Variants in TMEM63B observed in about 807,000 individuals in gnomAD.
The protein encoded by TMEM63B is mechanosensitive cation channel TMEM63B.
In TMEM63B, 23 loss-of-function variants were observed where a neutral mutation model predicts 102.6. The ratio of observed to expected loss-of-function variants is 0.22; its 90% confidence interval spans 0.16 to 0.32. The LOEUF is 0.32. Among genes scored for constraint, TMEM63B ranks in the 10% least tolerant of loss-of-function variants. The pLI is 1.00. For synonymous variants in TMEM63B, 444 were observed against 437.0 expected, an observed-to-expected ratio of 1.02 and a Z score of -0.20; for missense variants, 628 against 1,095.9, an observed-to-expected ratio of 0.57 and a Z score of 6.03.
rs1373033156 is a variant in TMEM63B at position 44,148,135 on chromosome 6, A to C, written c.988-117A>C. The C allele has an allele frequency of 6.7e-7, 1 of 1,482,288 alleles. No homozygotes were observed. The highest frequency in any genetic ancestry group is 2.3e-5 in the East Asian group (1 of 43,916). 91.8% of individuals were successfully genotyped at this position (1,482,288 alleles called of 1,614,324 possible). On this transcript the variant is annotated intron_variant, in intron 12 of 23. Transcript: ENST00000323267. The surrounding 1 kb of genome is among the most constrained non-coding windows in gnomAD (Gnocchi z 5.1). ...GAGACGCTGTTTCCAAAAAAAAAAA[A>C]ATGCTTAGAGGAGCAGTGCCTGGCT... is the stretch of plus-strand genomic sequence containing the variant.
At chr6:44,138,373 G>A in intron 5 of TMEM63B, 107 bp from the exon 6 acceptor site, 1 of 1,409,046 alleles carries the variant, frequency 7.1e-7, no homozygotes, top group Non-Finnish European at 1.0e-6. Flanking sequence ...TGAGGGGTGT[G>A]GAAGCTATGC....
intron 15 of TMEM63B, chr6:44,149,194 C>G: frequency 1.7e-6 from 1 of 572,648 alleles, no homozygotes; most frequent in East Asian, 3.0e-5. Flanking sequence ...TGCATTTAGT[C>G]CTGATCTCAG....
chr6:44,140,774 TC>T (rs1764078713), intron 9 of TMEM63B, among the ~76,000 whole-genome samples: 1 of 152,118 alleles, frequency 6.6e-6, no homozygotes, highest in Admixed American at 6.5e-5. Context: ...CTATAACCCC[TC>T]AAGAGCATGG....
chr6:44,154,605 C>G, intron 23 of TMEM63B, 87 bp from the exon 24 acceptor site: 1 of 1,474,668 alleles, frequency 6.8e-7, no homozygotes, highest in South Asian at 1.3e-5. Context: ...AGGGCCCTGC[C>G]CACTCTGCTG....
chr6:44,129,946 G>T (rs1257570814), intron 1 of TMEM63B, among the ~76,000 whole-genome samples: 1 of 152,134 alleles, frequency 6.6e-6, no homozygotes, highest in Non-Finnish European at 1.5e-5. Flanking sequence ...AATTTTCCCA[G>T]GTTAGAAGCC....
At chr6:44,134,823 TC>T in intron 2 of TMEM63B, 80 bp downstream of exon 2, 1 of 1,505,812 alleles carries the variant, frequency 6.6e-7, no homozygotes. Context: ...CTAACCACTC[TC>T]CCACCTGCCC....
At chr6:44,138,969 A>G (rs1763662135) in intron 6 of TMEM63B, 2 of 246,644 alleles carry the variant, frequency 8.1e-6, no homozygotes, top group Non-Finnish European at 1.6e-5. Flanking sequence ...GGCCTCCCCC[A>G]AGGGTACCCG....
Position 44,135,331 on chromosome 6 carries a change from T to C in TMEM63B, c.243T>C (p.Leu81=). ...CCTGTCTGTTCTCTGTCCCCAGGCT[T>C]CGGCGGCAGGAGAGGGACCGAGTGG... The part of the protein sequence containing the change: ...RLALVTDADR[L]RRQERDRVEQ... Residue 81 remains leucine (L), a synonymous_variant, in exon 4 of 24, where the codon CTT becomes CTC. Transcript: ENST00000323267. 1 of 1,612,920 alleles carries C rather than the reference T, an allele frequency of 6.2e-7. No homozygotes were observed. The highest frequency in any genetic ancestry group is 8.5e-7 in the Non-Finnish European group (1 of 1,179,362).
Position 44,152,628 on chromosome 6 carries a change from C to T in TMEM63B, c.1872C>T (p.Tyr624=), listed in dbSNP as rs370365760. Residue 624 remains tyrosine (Y), a synonymous_variant, in exon 20 of 24, where the codon TAC becomes TAT. Coordinates refer to ENST00000323267, the MANE Select transcript of TMEM63B (RefSeq NM_018426.3). The surrounding 1 kb of genome is among the most constrained non-coding windows in gnomAD (Gnocchi z 6.4). ...ACGAGTTCCAGTTTGGCGCAGCCTA[C>T]GCCTGGATGATGTGCGTCTTCACGG... ...QAYEFQFGAA[Y]AWMMCVFTVV... 1.2e-5 allele frequency: 20 copies of T among 1,608,980 alleles called. No individual in the cohort carries two copies. The highest frequency in any genetic ancestry group is 2.2e-5 in the East Asian group (1 of 44,868).
chr6:44,139,890 C>G lies in TMEM63B; in HGVS notation c.602+131C>G, dbSNP rs966582882. ...AGGGATGGCTATGGGTCCCTGAGGG[C>G]TTGGGTTGGAGACAGAAGAGGGAAA... On this transcript the variant is annotated intron_variant, in intron 8 of 23. Coordinates refer to ENST00000323267, the MANE Select transcript of TMEM63B (RefSeq NM_018426.3). 1.3e-5 allele frequency: 15 copies of G among 1,167,748 alleles called. No individual in the cohort carries two copies. The African/African-American group carries it at 1.7e-4, about 13-fold the overall frequency. 72.3% of individuals were successfully genotyped at this position (1,167,748 alleles called of 1,614,324 possible).
rs150872533 is a variant in TMEM63B, at chr6:44,152,975, G to A, written c.1942+277G>A. ...ACCCACACCTGTGCCTTCCCTCAGC[G>A]GGATGTGCTTGGACACAGATCACAT... On this transcript the variant is annotated intron_variant, in intron 20 of 23. Transcript: ENST00000323267. This position sits in a 1 kb window ranked among gnomAD's most constrained non-coding sequence, Gnocchi z 6.4. Among the ~76,000 whole-genome samples the A allele has an allele frequency of 0.015, 2,319 of 152,300 alleles. 25 individuals carry two copies. Among genetic ancestry groups the A allele is most frequent in the Middle Eastern group, 0.058 (17 of 294 alleles).
At chr6:44,147,892 A>G (rs1428589101) in intron 12 of TMEM63B, among the ~76,000 whole-genome samples, 1 of 152,184 alleles carries the variant, frequency 6.6e-6, no homozygotes, top group Non-Finnish European at 1.5e-5. Flanking sequence ...GTGAGGCTGA[A>G]GCAGGTGGAT....
At chr6:44,139,317 C>A (rs1763751319) in intron 6 of TMEM63B, 150 bp from the exon 7 acceptor site, 3 of 900,876 alleles carry the variant, frequency 3.3e-6, no homozygotes, top group Non-Finnish European at 5.0e-6. Context: ...AAATAGGGGA[C>A]CAAGAAGTCC....
At chr6:44,147,647 C>G in intron 12 of TMEM63B, 147 bp downstream of exon 12, 5 of 1,168,862 alleles carry the variant, frequency 4.3e-6, no homozygotes, top group Non-Finnish European at 3.6e-6. Flanking sequence ...AATGTCCCTA[C>G]AGTGACCAGG....
Position 44,148,490 on chromosome 6 carries a change from G to A in TMEM63B, c.1122-23G>A, listed in dbSNP as rs1307885299. 6.2e-7 allele frequency: 1 copy of A among 1,613,448 alleles called. No individual in the cohort carries two copies. The highest frequency in any genetic ancestry group is 1.7e-5 in the Admixed American group (1 of 59,984). ...AGTGTGGCCTCCAGGTGGGCCTGTG[G>A]TAACCAGTGCCCATCTTTCTAGCAT... On this transcript the variant is annotated intron_variant, in intron 13 of 23. Coordinates refer to ENST00000323267, the MANE Select transcript of TMEM63B (RefSeq NM_018426.3). The surrounding 1 kb of genome is among the most constrained non-coding windows in gnomAD (Gnocchi z 5.1).
chr6:44,151,740 A>T, intron 18 of TMEM63B, 106 bp from the exon 19 acceptor site: 1 of 1,340,376 alleles, frequency 7.5e-7, no homozygotes, highest in Non-Finnish European at 1.0e-6. Flanking sequence ...TCCACATGGA[A>T]GAAGCATGTT....
chr6:44,151,936 C>T lies in TMEM63B; in HGVS notation c.1764C>T (p.Ile588=). The part of the protein sequence containing the change: ...FIGNAMDLLR[I]PGLLMYMIRL... ...GCAACGCCATGGACCTGCTGCGCATCCCAGGCCTGCTCATGTACATGATCC... is the reference window on the plus strand; with the variant it reads ...GCAACGCCATGGACCTGCTGCGCATTCCAGGCCTGCTCATGTACATGATCC... Residue 588 remains isoleucine, a synonymous_variant, in exon 19 of 24, where the codon ATC becomes ATT. Transcript: ENST00000323267. The T allele has an allele frequency of 1.9e-6, 3 of 1,613,586 alleles. No individual in the cohort carries two copies. The highest frequency in any genetic ancestry group is 2.5e-6 in the Non-Finnish European group (3 of 1,179,718).
At chr6:44,132,242 G>A in intron 1 of TMEM63B, 2 of 985,160 alleles carry the variant, frequency 2.0e-6, no homozygotes, top group Non-Finnish European at 2.4e-6. Context: ...CTGTTGTGGA[G>A]GGGAGAGTAC....
intron 3 of TMEM63B, 52 bp downstream of exon 3, chr6:44,135,148 C>T (rs1245232474): frequency 6.9e-6 from 11 of 1,603,238 alleles, no homozygotes; most frequent in African/African-American, 2.7e-5. Context: ...TCTTGTTCCA[C>T]ACTCCTCAGG....
Sources: gnomAD v4.1 joint callset for allele counts (sites outside exome capture counted in the v4.1 genomes callset) on GRCh38, gnomAD v4.1.1 for gene constraint, Gnocchi (gnomAD v3.1) non-coding constraint, MANE v1.5 for transcripts, NCBI Gene and HGNC (gene_info 2026-07-23, HGNC 2026-07-21) for gene names.